UBXN7: variants seen among roughly 807,000 people sequenced by gnomAD.
UBXN7 encodes the protein UBX domain-containing protein 7.
In UBXN7, 9 loss-of-function variants were observed where a neutral mutation model predicts 58.0. The observed-to-expected ratio is 0.16, with a 90% CI of 0.09 to 0.27. The LOEUF is 0.27. Among genes scored for constraint, UBXN7 ranks in the 10% least tolerant of loss-of-function variants. The probability of loss-of-function intolerance (pLI) is 1.00; values close to 1 mark genes in which losing one functional copy is unlikely to be tolerated. For missense variants in UBXN7, 328 were observed against 599.6 expected (o/e 0.55, Z 4.73); for synonymous variants, 208 against 205.0 (o/e 1.01, Z -0.12).
chr3:196,366,947 C>T (rs1185167919), intron 8 of UBXN7, among the ~76,000 whole-genome samples: 1 of 152,140 alleles, frequency 6.6e-6, no homozygotes, highest in East Asian at 1.9e-4. Context: ...CTTTGGGAGG[C>T]CGAGAAGGGC....
intron 1 of UBXN7, among the ~76,000 whole-genome samples, chr3:196,427,610 C>T (rs762058108): frequency 3.9e-5 from 6 of 152,228 alleles, no homozygotes; most frequent in Non-Finnish European, 7.3e-5. Flanking sequence ...TGAGCCACCG[C>T]ACCTGGCTTC....
chr3:196,370,382 G>T (rs886280098), intron 6 of UBXN7, among the ~76,000 whole-genome samples: 4 of 151,370 alleles, frequency 2.6e-5, no homozygotes, highest in African/African-American at 9.7e-5. Context: ...GCCTATAGGG[G>T]TTAGAGCCTG....
rs1728188869 is a variant in UBXN7 at position 196,350,660 on chromosome 3, C to A, written c.*6025G>T. The stretch of plus-strand genomic sequence containing the variant: ...ATTTTTAAAAAGACATCAAGAAATT[C>A]TTGATTCTATACTGTCTCTCTAGCA... On this transcript the variant is annotated 3_prime_UTR_variant, in exon 11 of 11. Coordinates refer to ENST00000296328, the MANE Select transcript of UBXN7 (RefSeq NM_015562.2). 6.7e-6 allele frequency: 1 copy of A among 149,760 alleles called. No individual in the cohort carries two copies. Among genetic ancestry groups the A allele is most frequent in the African/African-American group, 2.5e-5 (1 of 40,804 alleles). The allele number at this position is 149,760 out of a possible 1,614,324, so 9.3% of individuals were successfully genotyped here.
chr3:196,399,814 A>T (rs1327685273), intron 3 of UBXN7: 1 of 152,196 alleles, frequency 6.6e-6, no homozygotes, highest in Non-Finnish European at 1.5e-5. Context: ...ATACAGCCTG[A>T]AGCCACCACA....
chr3:196,382,012 G>C (rs987979308), intron 5 of UBXN7, among the ~76,000 whole-genome samples: 2 of 152,226 alleles, frequency 1.3e-5, no homozygotes, highest in African/African-American at 4.8e-5. Flanking sequence ...ATCTACGTTT[G>C]ATTGGTGTAC....
At chr3:196,387,600 CAA>C (rs1464966131) in intron 5 of UBXN7, among the ~76,000 whole-genome samples, 1 of 151,704 alleles carries the variant, frequency 6.6e-6, no homozygotes, top group Non-Finnish European at 1.5e-5. Flanking sequence ...AAGAAAAAAA[CAA>C]ACAACCCCAT....
chr3:196,429,889 C>T (rs533505961), intron 1 of UBXN7, among the ~76,000 whole-genome samples: 3 of 152,258 alleles, frequency 2.0e-5, no homozygotes, highest in South Asian at 4.1e-4. Flanking sequence ...AATCAAGCTA[C>T]GTAGACGAAC....
Position 196,355,752 on chromosome 3 carries a change from T to C in UBXN7, c.*933A>G, listed in dbSNP as rs1229505183. 2.6e-5 allele frequency: 4 copies of C among 152,198 alleles called. No individual in the cohort carries two copies. The highest frequency in any genetic ancestry group is 4.1e-4 in the South Asian group (2 of 4,832). The allele number at this position is 152,198 out of a possible 1,614,324, so 9.4% of individuals were successfully genotyped here. On this transcript the variant is annotated 3_prime_UTR_variant, in exon 11 of 11. Transcript: ENST00000296328. Reference sequence around the variant, plus strand: ...AACAACACAGGACAATCAATAACCATAGTGGTTACAATTCCAAGCCATTGT... The same window carrying C: ...AACAACACAGGACAATCAATAACCACAGTGGTTACAATTCCAAGCCATTGT...
In UBXN7 at chr3:196,372,300, TTCTC is replaced by T. The variant is rs144595952; in HGVS notation, c.469-262_469-259del. On this transcript the variant is annotated intron_variant, in intron 5 of 10. Coordinates refer to ENST00000296328, the MANE Select transcript of UBXN7 (RefSeq NM_015562.2). ...TCCAGTTATTTGTTATAATAGCTGA[TTCTC>T]TCTCTCTCTCTCTCTCTCTCTCCTT... is the stretch of plus-strand genomic sequence containing the variant. Among the ~76,000 whole-genome samples the T allele has an allele frequency of 6.6e-3, 888 of 133,608 alleles. 9 individuals carry two copies. Among genetic ancestry groups the T allele is most frequent in the African/African-American group, 0.018 (681 of 36,950 alleles). 87.7% of individuals were successfully genotyped at this position (133,608 alleles called of 152,430 possible).
At chr3:196,366,899 C>T (rs1246256987) in intron 8 of UBXN7, among the ~76,000 whole-genome samples, 1 of 151,876 alleles carries the variant, frequency 6.6e-6, no homozygotes, top group Non-Finnish European at 1.5e-5. Flanking sequence ...AAGAAAAAAA[C>T]AGGACGGGCG....
intron 5 of UBXN7, among the ~76,000 whole-genome samples, chr3:196,374,686 G>C (rs1295832933): frequency 6.6e-6 from 1 of 150,390 alleles, no homozygotes; most frequent in Non-Finnish European, 1.5e-5. Flanking sequence ...TTCAAGACCA[G>C]CCTGGTCAAC....
Position 196,365,286 on chromosome 3 carries a change from G to T in UBXN7, c.835-2599C>A, listed in dbSNP as rs575822269. Among the ~76,000 whole-genome samples, 9 of 139,676 alleles carry T rather than the reference G, an allele frequency of 6.4e-5. No homozygotes were observed. In the East Asian group the frequency reaches 1.0e-3, roughly 16 times the overall value. 91.6% of individuals were successfully genotyped at this position (139,676 alleles called of 152,430 possible). A position where few individuals can be genotyped will look rare whatever the true frequency, so the allele number is the denominator to read the frequency against. The stretch of plus-strand genomic sequence containing the variant: ...AAAAAAGAGTATACATCCAGGAAAA[G>T]AAAATAAAATTAAGCTCAAAGAAAA... On this transcript the variant is annotated intron_variant, in intron 8 of 10. Transcript: ENST00000296328.
chr3:196,394,603 C>CAA (rs58896906), intron 3 of UBXN7, among the ~76,000 whole-genome samples: 1 of 113,982 alleles, frequency 8.8e-6, no homozygotes, highest in Admixed American at 9.0e-5. Flanking sequence ...AACTCCGTCT[C>CAA]AAAAAAAAAA....
intron 5 of UBXN7, among the ~76,000 whole-genome samples, chr3:196,390,511 G>A (rs999020998): frequency 6.6e-6 from 1 of 152,124 alleles, no homozygotes; most frequent in Non-Finnish European, 1.5e-5. Context: ...GGAGGCTGAG[G>A]TGGGCAGATC....
At chr3:196,397,404 T>C (rs984738129) in intron 3 of UBXN7, 4 of 152,204 alleles carry the variant, frequency 2.6e-5, no homozygotes, top group African/African-American at 9.7e-5. Flanking sequence ...CTGCATTCCT[T>C]TAGATCTGCT....
intron 10 of UBXN7, among the ~76,000 whole-genome samples, chr3:196,357,616 T>C (rs944496610): frequency 1.4e-4 from 22 of 152,004 alleles, no homozygotes; most frequent in Admixed American, 5.2e-4. Flanking sequence ...CATCAAAAAA[T>C]ATGGGCCAGG....
intron 5 of UBXN7, among the ~76,000 whole-genome samples, chr3:196,381,302 A>G (rs1334194884): frequency 6.6e-6 from 1 of 152,240 alleles, no homozygotes; most frequent in Non-Finnish European, 1.5e-5. Flanking sequence ...AGGCAGCAAT[A>G]TTTGCAGTTC....
chr3:196,416,421 ACT>A, intron 1 of UBXN7, among the ~76,000 whole-genome samples: 1 of 151,976 alleles, frequency 6.6e-6, no homozygotes, highest in South Asian at 2.1e-4. Flanking sequence ...ATTGAGCAAG[ACT>A]CTGTCTCAAA....
intron 5 of UBXN7, 96 bp downstream of exon 5, chr3:196,391,715 CAG>C: frequency 1.2e-6 from 1 of 853,390 alleles, no homozygotes; most frequent in East Asian, 2.7e-5. Context: ...GCCTGGACGA[CAG>C]AGCGAGACCT....
Sources: allele counts gnomAD v4.1 joint callset (sites outside exome capture counted in the v4.1 genomes callset), GRCh38; gene constraint gnomAD v4.1.1; transcripts MANE v1.5; gene names NCBI Gene and HGNC (gene_info 2026-07-23, HGNC 2026-07-21).